The following CEP112 variants were observed in gnomAD, a reference collection of about 807,000 sequenced individuals.
CEP112 encodes the protein centrosomal protein of 112 kDa.
A neutral mutation model predicts 153.0 loss-of-function variants in CEP112; 127 were observed. The observed-to-expected ratio is 0.83, with a 90% confidence interval of 0.72 to 0.96. The LOEUF is 0.96. Among genes scored for constraint, CEP112 ranks in the 40% least tolerant of loss-of-function variants. CEP112 has a pLI of 0.00. For missense variants in CEP112, 1,089 were observed against 1,101.2 expected, an observed-to-expected ratio of 0.99 and a Z score of 0.16; for synonymous variants, 358 against 374.4, an observed-to-expected ratio of 0.96 and a Z score of 0.51.
chr17:65,761,478 C>T (rs2052607955), intron 21 of CEP112, among the ~76,000 whole-genome samples: 1 of 151,908 alleles, frequency 6.6e-6, no homozygotes, highest in African/African-American at 2.4e-5. Flanking sequence ...TCTTGTTTCC[C>T]AAATGAAAGC....
At chr17:65,664,980 CAG>C (rs2046619657) in intron 24 of CEP112, among the ~76,000 whole-genome samples, 1 of 152,164 alleles carries the variant, frequency 6.6e-6, no homozygotes, top group Admixed American at 6.6e-5. Context: ...ATGGCAGAGA[CAG>C]TGCAATATTT....
chr17:65,981,021 G>A lies in CEP112; in HGVS notation c.1737-19423C>T, dbSNP rs145037552. On this transcript the variant is annotated intron_variant, in intron 17 of 26. Transcript: ENST00000535342. Reference sequence around the variant, plus strand: ...ACATGGAGAGGGGTTTCTCCATGTTGACCAGGCTGGTCTTGAACTCCTGAC... The same window carrying A: ...ACATGGAGAGGGGTTTCTCCATGTTAACCAGGCTGGTCTTGAACTCCTGAC... Among the ~76,000 whole-genome samples, 346 of 152,188 alleles carry A rather than the reference G, an allele frequency of 2.3e-3. 3 individuals carry two copies. Among genetic ancestry groups the A allele is most frequent in the African/African-American group, 8.0e-3 (334 of 41,528 alleles).
chr17:65,750,946 G>A (rs2051807983), intron 21 of CEP112: 1 of 468,438 alleles, frequency 2.1e-6, no homozygotes, highest in African/African-American at 2.0e-5. Flanking sequence ...ACAAACATAA[G>A]ACTTCTGTGG....
intron 15 of CEP112, among the ~76,000 whole-genome samples, chr17:66,027,946 A>G (rs1355024062): frequency 6.8e-6 from 1 of 147,358 alleles, no homozygotes; most frequent in Non-Finnish European, 1.5e-5. Flanking sequence ...CAAAAGAGAG[A>G]GACAGAGGGA....
intron 19 of CEP112, among the ~76,000 whole-genome samples, chr17:65,925,013 G>A (rs2060870507): frequency 6.6e-6 from 1 of 151,978 alleles, no homozygotes; most frequent in South Asian, 2.1e-4. Flanking sequence ...AACCTTTACT[G>A]TTACAATAGC....
chr17:65,925,281 C>T (rs991492099), intron 19 of CEP112, among the ~76,000 whole-genome samples: 1 of 152,160 alleles, frequency 6.6e-6, no homozygotes, highest in Admixed American at 6.5e-5. Flanking sequence ...TTGTGAGGCC[C>T]CCTCAGCCAT....
At chr17:66,100,756 T>C (rs2068537626) in intron 6 of CEP112, among the ~76,000 whole-genome samples, 1 of 152,104 alleles carries the variant, frequency 6.6e-6, no homozygotes, top group Non-Finnish European at 1.5e-5. Context: ...CCCTCCATAT[T>C]CATGGCTTCT....
In CEP112 at chr17:65,896,261, T is replaced by A. The variant is rs577203589; in HGVS notation, c.2163+5891A>T. On this transcript the variant is annotated intron_variant, in intron 20 of 26. Transcript: ENST00000535342. ...TGGATCATTCTTAGAGCAATCATTTTTCTTGCCTCATCTTGTATTTTTTGC... is the reference window on the plus strand; with the variant it reads ...TGGATCATTCTTAGAGCAATCATTTATCTTGCCTCATCTTGTATTTTTTGC... Among the ~76,000 whole-genome samples, 6 of 152,210 alleles carry A rather than the reference T, an allele frequency of 3.9e-5. 1 individual carries two copies. The East Asian group carries it at 1.2e-3, about 29-fold the overall frequency.
intron 21 of CEP112, among the ~76,000 whole-genome samples, chr17:65,808,436 A>G (rs574933367): frequency 3.9e-5 from 6 of 152,212 alleles, no homozygotes; most frequent in African/African-American, 1.4e-4. Flanking sequence ...GAAATGTGAG[A>G]AGGACATGAG....
rs1195044120 is a variant in CEP112 at position 65,792,777 on chromosome 17, A to G, written c.2395-42053T>C. 3.3e-5 allele frequency among the ~76,000 whole-genome samples: 5 copies of G among 152,138 alleles called. No individual in the cohort carries two copies. The South Asian group carries it at 6.2e-4, about 19-fold the overall frequency. On this transcript the variant is annotated intron_variant, in intron 21 of 26. Transcript: ENST00000535342. ...TTGAAAAAAGGAATAGAAGCTATAT[A>G]CCAAAAGAGGGTACTGTTAAGTCAG...
intron 6 of CEP112, among the ~76,000 whole-genome samples, chr17:66,106,537 A>T (rs2068791305): frequency 6.6e-6 from 1 of 152,074 alleles, no homozygotes; most frequent in Non-Finnish European, 1.5e-5. Flanking sequence ...AAATTTGAAA[A>T]CTGAAAAGAA....
chr17:65,992,709 C>T (rs550955402), intron 17 of CEP112, among the ~76,000 whole-genome samples: 89 of 152,202 alleles, frequency 5.8e-4, no homozygotes, highest in Non-Finnish European at 1.1e-3. Flanking sequence ...ACTATTAATT[C>T]CTTGAGATAT....
intron 17 of CEP112, among the ~76,000 whole-genome samples, chr17:65,989,078 T>TA (rs769864481): frequency 6.8e-4 from 101 of 149,466 alleles, no homozygotes; most frequent in African/African-American, 2.2e-3. Context: ...TACAAAAAAA[T>TA]TAAAAAAAAA....
At chr17:65,704,146 G>C (rs1251588932) in intron 23 of CEP112, among the ~76,000 whole-genome samples, 1 of 152,024 alleles carries the variant, frequency 6.6e-6, no homozygotes, top group African/African-American at 2.4e-5. Flanking sequence ...AGATGGGAGT[G>C]ATCATCTAGA....
At chr17:65,885,485 CT>C (rs908573689) in intron 20 of CEP112, among the ~76,000 whole-genome samples, 7 of 151,734 alleles carry the variant, frequency 4.6e-5, no homozygotes, top group African/African-American at 1.7e-4. Context: ...TGTTGTTTTC[CT>C]TTTTAAAAAA....
At chr17:65,914,995 C>A (rs950694080) in intron 19 of CEP112, among the ~76,000 whole-genome samples, 3 of 152,182 alleles carry the variant, frequency 2.0e-5, no homozygotes, top group African/African-American at 7.2e-5. Flanking sequence ...TTCTTGGCAA[C>A]ACCTGAAACA....
intron 16 of CEP112, among the ~76,000 whole-genome samples, chr17:66,010,372 G>A (rs1222614638): frequency 6.6e-6 from 1 of 152,082 alleles, no homozygotes; most frequent in Non-Finnish European, 1.5e-5. Context: ...AGGAGTTTGG[G>A]GTTTTCTAGG....
chr17:65,880,807 C>A (rs1197120261), intron 20 of CEP112, among the ~76,000 whole-genome samples: 1 of 152,190 alleles, frequency 6.6e-6, no homozygotes, highest in East Asian at 1.9e-4. Context: ...GTTTTTTATT[C>A]AAGCAATAAA....
chr17:66,032,316 T>C (rs2065521643), intron 12 of CEP112, among the ~76,000 whole-genome samples: 1 of 150,964 alleles, frequency 6.6e-6, no homozygotes, highest in African/African-American at 2.4e-5. Flanking sequence ...TGTCAAAGTC[T>C]TAGCATTCAC....
Sources: allele counts gnomAD v4.1 joint callset (sites outside exome capture counted in the v4.1 genomes callset), GRCh38; gene constraint gnomAD v4.1.1; transcripts MANE v1.5; gene names NCBI Gene and HGNC (gene_info 2026-07-23, HGNC 2026-07-21).